RGS6: variants seen among roughly 807,000 people sequenced by gnomAD.
RGS6 encodes regulator of G-protein signaling 6.
In RGS6, 30 loss-of-function variants were observed where a neutral mutation model predicts 78.5. The observed-to-expected ratio is 0.38, with a 90% CI of 0.29 to 0.52. The LOEUF is 0.52. Among genes scored for constraint, RGS6 ranks in the 20% least tolerant of loss-of-function variants. The pLI is 0.85. For synonymous variants in RGS6, 206 were observed against 206.0 expected (o/e 1.00, Z 0.00); for missense variants, 495 against 609.7 (o/e 0.81, Z 1.98).
chr14:72,138,449 GT>G (rs71448384), intron 2 of RGS6, among the ~76,000 whole-genome samples: 2,371 of 86,672 alleles, frequency 0.027, 42 homozygotes, highest in African/African-American at 0.079. Context: ...ACCTGTACCT[GT>G]TTTTTTTTTT....
intron 2 of RGS6, among the ~76,000 whole-genome samples, chr14:72,196,897 C>T (rs751599986): frequency 1.3e-5 from 2 of 152,182 alleles, no homozygotes; most frequent in Non-Finnish European, 2.9e-5. Context: ...CTGAGTTGGG[C>T]AAATGTTTTT....
chr14:72,265,610 C>G (rs1076317), intron 2 of RGS6, among the ~76,000 whole-genome samples: 58,887 of 152,044 alleles, frequency 0.39, 12,194 homozygotes, highest in Non-Finnish European at 0.46. Context: ...CCGCTAACTA[C>G]TGACGGCTAC....
intron 2 of RGS6, among the ~76,000 whole-genome samples, chr14:72,234,619 G>C (rs959919756): frequency 6.6e-6 from 1 of 152,044 alleles, no homozygotes; most frequent in Non-Finnish European, 1.5e-5. Context: ...CACCCTGCCT[G>C]CTGTAGGGCT....
At chr14:72,590,457 A>C in the RGS6 span, among the ~76,000 whole-genome samples, 508 of 152,356 alleles carry the variant, frequency 3.3e-3, 2 homozygotes, top group Non-Finnish European at 5.6e-3. Flanking sequence ...CTCGGCAATA[A>C]CAGAGCAATA....
chr14:72,550,444 G>A lies in RGS6; in HGVS notation c.1422+10350G>A, dbSNP rs1298187986. ...AAGCACCAAGTACATCTGAGCCCCC[G>A]TGCCTAACAGGAAAAGACAGACTGT... On this transcript the variant is annotated intron_variant, in intron 17 of 17. Transcript: ENST00000553525. 2.4e-5 allele frequency: 37 copies of A among 1,533,708 alleles called. No homozygotes were observed. The Admixed American group carries it at 5.7e-4, about 24-fold the overall frequency.
chr14:72,228,330 G>A (rs544605866), intron 2 of RGS6, among the ~76,000 whole-genome samples: 2 of 152,120 alleles, frequency 1.3e-5, no homozygotes, highest in South Asian at 2.1e-4. Context: ...GCAGTGAGTC[G>A]AGATTGCACC....
intron 3 of RGS6, among the ~76,000 whole-genome samples, chr14:72,453,645 C>T (rs1401259221): frequency 1.4e-5 from 2 of 145,766 alleles, no homozygotes; most frequent in Non-Finnish European, 3.0e-5. Context: ...AAAAAAGTTC[C>T]TTCAGACTCT....
At chr14:72,626,736 T>A in the RGS6 span, among the ~76,000 whole-genome samples, 1 of 152,122 alleles carries the variant, frequency 6.6e-6, no homozygotes, top group African/African-American at 2.4e-5. Context: ...GCATATTAGC[T>A]CTGTTAGGTA....
intron 2 of RGS6, among the ~76,000 whole-genome samples, chr14:72,230,069 A>G (rs57597479): frequency 0.039 from 5,956 of 152,268 alleles, 257 homozygotes; most frequent in African/African-American, 0.1. Context: ...ATAGACTTGG[A>G]ATTGGGGTAT....
intron 3 of RGS6, among the ~76,000 whole-genome samples, chr14:72,418,386 C>T (rs559544814): frequency 4.8e-4 from 73 of 152,140 alleles, no homozygotes; most frequent in Non-Finnish European, 9.6e-4. Flanking sequence ...AGACTGGTCT[C>T]AAACTCCTGA....
chr14:72,197,912 G>A (rs2040571273), intron 2 of RGS6, among the ~76,000 whole-genome samples: 1 of 151,680 alleles, frequency 6.6e-6, no homozygotes, highest in African/African-American at 2.4e-5. Flanking sequence ...TCTTAAAGTA[G>A]CTATAGCAAC....
At chr14:71,941,475 T>C (rs1422023699) in intron 1 of RGS6, among the ~76,000 whole-genome samples, 2 of 152,170 alleles carry the variant, frequency 1.3e-5, no homozygotes, top group Non-Finnish European at 2.9e-5. Context: ...GGGATATAAC[T>C]AATAAGATAT....
At chr14:72,550,843 G>T (rs1032712870) in intron 17 of RGS6, among the ~76,000 whole-genome samples, 2 of 151,948 alleles carry the variant, frequency 1.3e-5, no homozygotes, top group Non-Finnish European at 2.9e-5. Context: ...TGGTTTTTGG[G>T]GGGGTGTTTT....
At chr14:72,249,549 T>C (rs2055089618) in intron 2 of RGS6, among the ~76,000 whole-genome samples, 1 of 152,224 alleles carries the variant, frequency 6.6e-6, no homozygotes, top group South Asian at 2.1e-4. Flanking sequence ...AATCATATGT[T>C]GGGATGACAT....
chr14:72,592,543 T>A, the RGS6 span, among the ~76,000 whole-genome samples: 3,155 of 152,306 alleles, frequency 0.021, 58 homozygotes, highest in Non-Finnish European at 0.03. Flanking sequence ...TAAAAACTTA[T>A]TACAGAACTC....
intron 2 of RGS6, among the ~76,000 whole-genome samples, chr14:72,130,325 G>A (rs140583154): frequency 6.5e-4 from 99 of 152,280 alleles, no homozygotes; most frequent in Non-Finnish European, 1.1e-3. Context: ...AGTGAACAAT[G>A]CAGGCTTCAT....
chr14:72,266,531 T>G (rs1180491102), intron 2 of RGS6, among the ~76,000 whole-genome samples: 4 of 152,226 alleles, frequency 2.6e-5, no homozygotes, highest in Non-Finnish European at 5.9e-5. Context: ...TCTTGAAGAT[T>G]ATATTGCTTT....
At chr14:72,556,544 A>G (rs1385779280) in intron 17 of RGS6, among the ~76,000 whole-genome samples, 1 of 152,162 alleles carries the variant, frequency 6.6e-6, no homozygotes, top group Non-Finnish European at 1.5e-5. Flanking sequence ...GGTCCCAGTG[A>G]CATTCTGTGG....
chr14:72,028,330 G>A (rs565554072), intron 2 of RGS6, among the ~76,000 whole-genome samples: 10 of 152,324 alleles, frequency 6.6e-5, no homozygotes, highest in African/African-American at 2.4e-4. Flanking sequence ...TGGAATTCCT[G>A]AGTACCAATT....
Sources: gnomAD v4.1 joint callset for allele counts (sites outside exome capture counted in the v4.1 genomes callset) on GRCh38, gnomAD v4.1.1 for gene constraint, MANE v1.5 for transcripts, NCBI Gene and HGNC (gene_info 2026-07-23, HGNC 2026-07-21) for gene names.